TANGO6: variants seen among roughly 807,000 people sequenced by gnomAD.
The protein encoded by TANGO6 is transport and golgi organization 6 homolog.
TANGO6 carries 90 observed loss-of-function variants against 114.2 expected under a neutral mutation model. The ratio of observed to expected loss-of-function variants is 0.79; its 90% CI spans 0.66 to 0.94. The LOEUF is 0.94. Ranked by LOEUF, TANGO6 falls within the 40% of genes least tolerant of loss-of-function variation. The pLI is 0.00. For synonymous variants in TANGO6, 477 were observed against 509.8 expected, an observed-to-expected ratio of 0.94 and a Z score of 0.87; for missense variants, 1,274 against 1,315.3, an observed-to-expected ratio of 0.97 and a Z score of 0.49.
intron 17 of TANGO6, among the ~76,000 whole-genome samples, chr16:69,076,736 C>A (rs553643794): frequency 6.6e-6 from 1 of 152,192 alleles, no homozygotes; most frequent in Non-Finnish European, 1.5e-5. Flanking sequence ...TGCCCTCCCC[C>A]ATATGGTGAG....
chr16:69,015,868 T>C (rs1022767795), intron 15 of TANGO6, among the ~76,000 whole-genome samples: 20 of 152,188 alleles, frequency 1.3e-4, no homozygotes, highest in Non-Finnish European at 5.9e-5. Flanking sequence ...TTTGTTAATA[T>C]AGTGATATGC....
chr16:68,914,919 C>G (rs1425365084), intron 11 of TANGO6, among the ~76,000 whole-genome samples: 2 of 146,196 alleles, frequency 1.4e-5, no homozygotes, highest in African/African-American at 2.5e-5. Flanking sequence ...TAGAAAGTGT[C>G]TATTTTAGTA....
chr16:68,932,664 C>T (rs1383720375), intron 14 of TANGO6, among the ~76,000 whole-genome samples: 1 of 152,000 alleles, frequency 6.6e-6, no homozygotes, highest in East Asian at 1.9e-4. Context: ...GTGGCGGGCA[C>T]CTGTAATCCC....
chr16:68,964,855 C>T (rs1963629552), intron 14 of TANGO6, among the ~76,000 whole-genome samples: 1 of 152,164 alleles, frequency 6.6e-6, no homozygotes, highest in African/African-American at 2.4e-5. Flanking sequence ...AGGCGTGAGC[C>T]ACTGCACCTG....
In TANGO6 at chr16:68,998,913, C is replaced by T. The variant is rs572067879; in HGVS notation, c.2843-23915C>T. Among the ~76,000 whole-genome samples, 51 of 151,984 alleles carry T rather than the reference C, an allele frequency of 3.4e-4. 1 individual carries two copies. The highest frequency in any genetic ancestry group is 2.7e-3 in the South Asian group (13 of 4,804). ...TTTATTGATTGATTGAGACAAGTCTCACTCTGTCACCCAGGCTGGAGTGCA... is the reference window on the plus strand; with the variant it reads ...TTTATTGATTGATTGAGACAAGTCTTACTCTGTCACCCAGGCTGGAGTGCA... On this transcript the variant is annotated intron_variant, in intron 15 of 17. Coordinates refer to ENST00000261778, the MANE Select transcript of TANGO6 (RefSeq NM_024562.2).
intron 8 of TANGO6, 36 bp downstream of exon 8, chr16:68,900,582 T>G: frequency 6.7e-7 from 1 of 1,482,846 alleles, no homozygotes; most frequent in Non-Finnish European, 9.3e-7. Flanking sequence ...GTTTATAAAT[T>G]GTGACGTCTT....
At chr16:68,972,931 A>G (rs1405928757) in intron 14 of TANGO6, 1 of 287,784 alleles carries the variant, frequency 3.5e-6, no homozygotes, top group African/African-American at 2.2e-5. Context: ...CCTCCGAGCC[A>G]GGATCACTTG....
At chr16:68,985,137 T>C (rs1001347895) in intron 15 of TANGO6, among the ~76,000 whole-genome samples, 5 of 152,066 alleles carry the variant, frequency 3.3e-5, no homozygotes, top group Admixed American at 3.3e-4. Flanking sequence ...CCTCCCAAAG[T>C]GTTAGGATTA....
intron 1 of TANGO6, among the ~76,000 whole-genome samples, chr16:68,850,493 C>T (rs113167919): frequency 3.9e-5 from 6 of 152,290 alleles, no homozygotes; most frequent in African/African-American, 1.2e-4. Flanking sequence ...ATTACCACTA[C>T]AAACCCACTG....
intron 11 of TANGO6, 98 bp from the exon 12 acceptor site, chr16:68,918,987 G>A (rs745470932): frequency 7.9e-6 from 11 of 1,396,656 alleles, no homozygotes; most frequent in Non-Finnish European, 1.1e-5. Flanking sequence ...CTATCATGAT[G>A]TAGATGAAGA....
intron 14 of TANGO6, among the ~76,000 whole-genome samples, chr16:68,947,223 C>T (rs866219787): frequency 1.3e-5 from 2 of 151,966 alleles, no homozygotes; most frequent in African/African-American, 4.8e-5. Context: ...TTTGGGAGGC[C>T]GAGGCAGGCG....
chr16:68,997,342 G>A (rs1194821362), intron 15 of TANGO6, among the ~76,000 whole-genome samples: 2 of 152,172 alleles, frequency 1.3e-5, no homozygotes, highest in African/African-American at 2.4e-5. Flanking sequence ...CTATACTTAC[G>A]GTTATTTCTT....
intron 15 of TANGO6, among the ~76,000 whole-genome samples, chr16:68,983,822 A>G (rs1387443023): frequency 6.6e-6 from 1 of 152,092 alleles, no homozygotes; most frequent in Non-Finnish European, 1.5e-5. Flanking sequence ...TCATGAGGTC[A>G]GGAGATCAAG....
At chr16:68,946,370 T>G (rs1963414696) in intron 14 of TANGO6, among the ~76,000 whole-genome samples, 1 of 152,068 alleles carries the variant, frequency 6.6e-6, no homozygotes, top group South Asian at 2.1e-4. Context: ...TTTTTTGTAT[T>G]TTTTAAGTAG....
chr16:69,024,877 G>A (rs1959473080), intron 16 of TANGO6, among the ~76,000 whole-genome samples: 1 of 151,812 alleles, frequency 6.6e-6, no homozygotes, highest in South Asian at 2.1e-4. Flanking sequence ...GTGCAGTCTC[G>A]GCACACTGCA....
At chr16:68,906,607 T>C (rs1427498951) in intron 9 of TANGO6, among the ~76,000 whole-genome samples, 1 of 152,054 alleles carries the variant, frequency 6.6e-6, no homozygotes. Context: ...TCTTGCCATG[T>C]TGTCTATGTT....
intron 15 of TANGO6, among the ~76,000 whole-genome samples, chr16:69,013,281 C>A (rs1959228447): frequency 6.6e-6 from 1 of 151,900 alleles, no homozygotes; most frequent in African/African-American, 2.4e-5. Context: ...TTAATTTTTT[C>A]TTTTGTTATA....
At chr16:68,962,925 A>G (rs1043908368) in intron 14 of TANGO6, among the ~76,000 whole-genome samples, 5 of 147,878 alleles carry the variant, frequency 3.4e-5, no homozygotes, top group African/African-American at 1.0e-4. Context: ...TCTACTCAAA[A>G]TATGAAAAAA....
intron 14 of TANGO6, among the ~76,000 whole-genome samples, chr16:68,939,302 A>C (rs901407400): frequency 3.3e-5 from 5 of 152,074 alleles, no homozygotes; most frequent in Admixed American, 2.6e-4. Flanking sequence ...AGGTAGGAGA[A>C]TCACTTGAAC....
Sources: allele counts gnomAD v4.1 joint callset (sites outside exome capture counted in the v4.1 genomes callset), GRCh38; gene constraint gnomAD v4.1.1; transcripts MANE v1.5; gene names NCBI Gene and HGNC (gene_info 2026-07-23, HGNC 2026-07-21).